FBXW11: variants seen among roughly 807,000 people sequenced by gnomAD.
The protein encoded by FBXW11 is F-box/WD repeat-containing protein 11.
Under a neutral mutation model 77.6 loss-of-function variants are expected in FBXW11, and 19 were observed. That is an observed-to-expected ratio of 0.24 (90% CI 0.17 to 0.36). The LOEUF (loss-of-function observed/expected upper bound fraction) is 0.36. Ranked by LOEUF, FBXW11 falls within the 10% of genes least tolerant of loss-of-function variation. The pLI, the probability that FBXW11 is intolerant of heterozygous loss-of-function variation, is 1.00. For synonymous variants in FBXW11, 235 were observed against 249.4 expected (o/e 0.94, Z 0.54); for missense variants, 334 against 704.2 (o/e 0.47, Z 5.95).
At chr5:171,906,742 C>T (rs1042690104) in intron 4 of FBXW11, among the ~76,000 whole-genome samples, 2 of 152,322 alleles carry the variant, frequency 1.3e-5, no homozygotes, top group East Asian at 3.9e-4. Context: ...AGTGTAAGGG[C>T]TAGGATTCAA....
chr5:171,928,183 TTTC>T (rs1761986142), intron 2 of FBXW11, among the ~76,000 whole-genome samples: 1 of 152,210 alleles, frequency 6.6e-6, no homozygotes, highest in Admixed American at 6.5e-5. Flanking sequence ...TATACATTAA[TTTC>T]TTTTCTTTAA....
chr5:171,910,542 C>T, intron 4 of FBXW11, 30 bp downstream of exon 4: 1 of 1,560,830 alleles, frequency 6.4e-7, no homozygotes, highest in Non-Finnish European at 8.8e-7. Flanking sequence ...TCTTCAACTG[C>T]TCAGCTTTTG....
intron 2 of FBXW11, among the ~76,000 whole-genome samples, chr5:171,949,686 T>C (rs1476816202): frequency 6.6e-6 from 1 of 152,112 alleles, no homozygotes; most frequent in Non-Finnish European, 1.5e-5. Flanking sequence ...CATGAAGAGG[T>C]AACTCATATA....
At chr5:171,968,185 A>G (rs1304085131) in intron 1 of FBXW11, among the ~76,000 whole-genome samples, 9 of 151,754 alleles carry the variant, frequency 5.9e-5, no homozygotes, top group Admixed American at 2.0e-4. Context: ...TGCCGGGCGC[A>G]GTGGCTCACG....
intron 1 of FBXW11, among the ~76,000 whole-genome samples, chr5:171,959,886 C>A (rs1026347741): frequency 2.7e-5 from 4 of 147,476 alleles, no homozygotes; most frequent in African/African-American, 7.5e-5. Flanking sequence ...AGAAAAAAAA[C>A]CAGCAACTTG....
At chr5:171,957,762 C>A in intron 1 of FBXW11, 64 bp from the exon 2 acceptor site, 1 of 1,361,860 alleles carries the variant, frequency 7.3e-7, no homozygotes, top group African/African-American at 1.4e-5. Flanking sequence ...ATCACTCCTT[C>A]ACACAGGCAA....
chr5:171,993,353 C>A (rs1359011274), intron 1 of FBXW11, among the ~76,000 whole-genome samples: 1 of 152,120 alleles, frequency 6.6e-6, no homozygotes, highest in Non-Finnish European at 1.5e-5. Context: ...GTGGCTCACA[C>A]CTGTAATCCC....
rs1198809796 is a variant in FBXW11, at chr5:171,952,422, C to CATATATATATATATATAT, written c.147+5157_147+5174dup. On this transcript the variant is annotated intron_variant, in intron 2 of 13. Transcript: ENST00000517395. ...TGTGTGTGTGTGTTGTGTGTACATA[C>CATATATATATATATATAT]ATATATATATATATATATATATATA... 4.6e-3 allele frequency among the ~76,000 whole-genome samples: 67 copies of CATATATATATATATATAT among 14,602 alleles called. 6 individuals are homozygous for CATATATATATATATATAT. The highest frequency in any genetic ancestry group is 0.01 in the South Asian group (1 of 98). The allele number at this position is 14,602 out of a possible 152,430, so 9.6% of individuals were successfully genotyped here. A position where few individuals can be genotyped will look rare whatever the true frequency, so the allele number is the denominator to read the frequency against.
At chr5:171,962,269 A>G (rs1259548395) in intron 1 of FBXW11, among the ~76,000 whole-genome samples, 1 of 152,244 alleles carries the variant, frequency 6.6e-6, no homozygotes, top group Non-Finnish European at 1.5e-5. Flanking sequence ...TTTAGCCTTG[A>G]GCTCAAGAGA....
intron 2 of FBXW11, among the ~76,000 whole-genome samples, chr5:171,939,878 G>A (rs1164556303): frequency 6.6e-6 from 1 of 151,888 alleles, no homozygotes; most frequent in African/African-American, 2.4e-5. Flanking sequence ...AAAATCGACT[G>A]GTGCTCAAAT....
At chr5:171,873,074 C>G in intron 9 of FBXW11, 84 bp from the exon 10 acceptor site, 1 of 1,094,330 alleles carries the variant, frequency 9.1e-7, no homozygotes, top group Admixed American at 2.1e-5. Flanking sequence ...GACAGAGCTT[C>G]TGATAATGAC....
chr5:171,897,282 A>G (rs908737652), intron 6 of FBXW11, among the ~76,000 whole-genome samples: 2 of 152,240 alleles, frequency 1.3e-5, no homozygotes, highest in Admixed American at 1.3e-4. Flanking sequence ...TACTAGTAGC[A>G]CATATATCAA....
chr5:171,878,591 T>TGTGTGTGTGTGTGTGTGTGTG (rs1561640265), intron 7 of FBXW11, among the ~76,000 whole-genome samples: 1 of 95,538 alleles, frequency 1.0e-5, no homozygotes, highest in Admixed American at 1.0e-4. Context: ...TGTGTGTGTG[T>TGTGTGTGTGTGTGTGTGTGTG]AAGAGAGAGA....
chr5:171,985,364 C>T (rs1483511945), intron 1 of FBXW11, among the ~76,000 whole-genome samples: 3 of 152,162 alleles, frequency 2.0e-5, no homozygotes, highest in African/African-American at 2.4e-5. Context: ...GTGGCTCACA[C>T]CTGTAACCCC....
At chr5:171,875,839 C>T (rs761716308) in intron 9 of FBXW11, among the ~76,000 whole-genome samples, 13 of 152,098 alleles carry the variant, frequency 8.5e-5, no homozygotes, top group Non-Finnish European at 1.3e-4. Flanking sequence ...CACTGCGAGT[C>T]CTCAAAATTA....
intron 7 of FBXW11, among the ~76,000 whole-genome samples, chr5:171,890,857 C>CT (rs779728594): frequency 1.2e-4 from 19 of 152,132 alleles, no homozygotes; most frequent in Non-Finnish European, 2.6e-4. Context: ...TTATACATGT[C>CT]TGTGTGTTTA....
In FBXW11 at chr5:171,878,603, A is replaced by AGAGAGT. The variant is rs138423567; in HGVS notation, c.853-475_853-474insACTCTC. ...GTGTGTGTGTGTGTAAGAGAGAGAG[A>AGAGAGT]GTGTGTGTGTGTGTGTGTGTGTGTG... On this transcript the variant is annotated intron_variant, in intron 7 of 13. Coordinates refer to ENST00000517395, the MANE Select transcript of FBXW11 (RefSeq NM_001378974.1). Among the ~76,000 whole-genome samples, 471 of 128,566 alleles carry AGAGAGT rather than the reference A, an allele frequency of 3.7e-3. 2 individuals are homozygous for AGAGAGT. Among genetic ancestry groups the AGAGAGT allele is most frequent in the East Asian group, 7.3e-3 (31 of 4,238 alleles). 84.3% of individuals were successfully genotyped at this position (128,566 alleles called of 152,430 possible).
At chr5:171,883,702 T>G (rs1282491369) in intron 7 of FBXW11, among the ~76,000 whole-genome samples, 1 of 152,166 alleles carries the variant, frequency 6.6e-6, no homozygotes, top group Non-Finnish European at 1.5e-5. Flanking sequence ...CACAATGTGG[T>G]TTTGATTTGC....
chr5:171,950,097 T>C (rs902238306), intron 2 of FBXW11, among the ~76,000 whole-genome samples: 20 of 152,178 alleles, frequency 1.3e-4, no homozygotes, highest in African/African-American at 4.8e-4. Flanking sequence ...AATGGAATAT[T>C]ATACAATGAT....
Sources: gnomAD v4.1 joint callset for allele counts (sites outside exome capture counted in the v4.1 genomes callset) on GRCh38, gnomAD v4.1.1 for gene constraint, MANE v1.5 for transcripts, NCBI Gene and HGNC (gene_info 2026-07-23, HGNC 2026-07-21) for gene names.